Variants in EFHC1 observed in about 807,000 individuals in gnomAD.
EFHC1 encodes the protein EF-hand domain containing 1.
A neutral mutation model predicts 69.9 loss-of-function variants in EFHC1; 53 were observed. That is an observed-to-expected ratio of 0.76 (90% CI 0.61 to 0.95). The LOEUF (loss-of-function observed/expected upper bound fraction) is 0.95, where lower values mean the gene tolerates loss of function less well. Among genes scored for constraint, EFHC1 ranks in the 40% least tolerant of loss-of-function variants. The pLI, the probability that EFHC1 is intolerant of heterozygous loss-of-function variation, is 0.00. For synonymous variants in EFHC1, 256 were observed against 278.4 expected, an observed-to-expected ratio of 0.92 and a Z score of 0.80; for missense variants, 739 against 798.7, an observed-to-expected ratio of 0.93 and a Z score of 0.90.
At chr6:52,476,452 G>C (rs1479667919) in intron 7 of EFHC1, among the ~76,000 whole-genome samples, 1 of 152,180 alleles carries the variant, frequency 6.6e-6, no homozygotes, top group African/African-American at 2.4e-5. Context: ...CCTTTGAGGA[G>C]AAACAGGATT....
At chr6:52,461,281 C>G (rs1765160246) in intron 5 of EFHC1, among the ~76,000 whole-genome samples, 2 of 152,246 alleles carry the variant, frequency 1.3e-5, no homozygotes, top group African/African-American at 2.4e-5. Context: ...TCCATGTGCT[C>G]TCATCATTTA....
At chr6:52,477,300 A>G (rs915216127) in intron 7 of EFHC1, among the ~76,000 whole-genome samples, 2 of 152,214 alleles carry the variant, frequency 1.3e-5, no homozygotes, top group African/African-American at 4.8e-5. Context: ...TGAAGGAATG[A>G]TATGAGAAAA....
At chr6:52,451,461 C>G (rs572475510) in intron 3 of EFHC1, among the ~76,000 whole-genome samples, 1 of 152,048 alleles carries the variant, frequency 6.6e-6, no homozygotes, top group Non-Finnish European at 1.5e-5. Flanking sequence ...GAATATAGGC[C>G]CCCAATCTCT....
Position 52,478,950 on chromosome 6 carries a change from C to G in EFHC1, c.1279-87C>G, listed in dbSNP as rs1034452682. 20 of 1,234,658 alleles carry G rather than the reference C, an allele frequency of 1.6e-5. No individual in the cohort carries two copies. In the African/African-American group the frequency reaches 2.8e-4, roughly 17 times the overall value. 76.5% of individuals were successfully genotyped at this position (1,234,658 alleles called of 1,614,324 possible). A position where few individuals can be genotyped will look rare whatever the true frequency, so the allele number is the denominator to read the frequency against. Reference sequence around the variant, plus strand: ...AAACCCAGACTGCTTCATTTATATCCTATACCTGGCCCCTATAGGCATTTA... The same window carrying G: ...AAACCCAGACTGCTTCATTTATATCGTATACCTGGCCCCTATAGGCATTTA... On this transcript the variant is annotated intron_variant, in intron 7 of 10. Transcript: ENST00000371068.
At chr6:52,451,612 T>C (rs770480868) in intron 3 of EFHC1, among the ~76,000 whole-genome samples, 2 of 152,368 alleles carry the variant, frequency 1.3e-5, no homozygotes, top group South Asian at 4.1e-4. Context: ...ATTATGTGGC[T>C]TGGGGATGAT....
chr6:52,483,040 T>C, intron 9 of EFHC1: 2 of 393,330 alleles, frequency 5.1e-6, no homozygotes, highest in Non-Finnish European at 4.5e-6. Context: ...CTGCGTGAAC[T>C]ATAAAACAAA....
chr6:52,465,226 G>A, intron 6 of EFHC1, 111 bp downstream of exon 6: 1 of 913,954 alleles, frequency 1.1e-6, no homozygotes, highest in South Asian at 1.5e-5. Context: ...CAAAGTATAT[G>A]TAACACAGTA....
At chr6:52,468,869 C>T (rs2038741) in intron 6 of EFHC1, 34,341 of 181,386 alleles carry the variant, frequency 0.19, 3,729 homozygotes, top group Non-Finnish European at 0.25. Flanking sequence ...AGTAGTACGC[C>T]GTAGACAAAT....
At chr6:52,434,371 A>G (rs1764483759) in intron 2 of EFHC1, among the ~76,000 whole-genome samples, 2 of 151,774 alleles carry the variant, frequency 1.3e-5, no homozygotes, top group Admixed American at 1.3e-4. Flanking sequence ...TGCTTCCTCT[A>G]CCCCCGTATT....
intron 5 of EFHC1, among the ~76,000 whole-genome samples, chr6:52,456,771 T>G (rs1765053928): frequency 6.6e-6 from 1 of 152,068 alleles, no homozygotes; most frequent in African/African-American, 2.4e-5. Flanking sequence ...AAAAATTACC[T>G]GGGCATGGTG....
chr6:52,424,265 C>A, intron 2 of EFHC1, 98 bp downstream of exon 2: 1 of 1,172,404 alleles, frequency 8.5e-7, no homozygotes, highest in Non-Finnish European at 1.2e-6. Flanking sequence ...TTCCAAAGGG[C>A]TCTGAGGAGA....
rs59794069 is a variant in EFHC1, at chr6:52,493,365, C to CATATATATATAT, written c.*1033_*1044dup. 871 of 168,530 alleles carry CATATATATATAT rather than the reference C, an allele frequency of 5.2e-3. 57 individuals carry two copies. The highest frequency in any genetic ancestry group is 6.8e-3 in the Non-Finnish European group (596 of 88,140). 10.4% of individuals were successfully genotyped at this position (168,530 alleles called of 1,614,324 possible). A position where few individuals can be genotyped will look rare whatever the true frequency, so the allele number is the denominator to read the frequency against. On this transcript the variant is annotated 3_prime_UTR_variant, in exon 11 of 11. Coordinates refer to ENST00000371068, the MANE Select transcript of EFHC1 (RefSeq NM_018100.4). Reference sequence around the variant, plus strand: ...ATAACTCTCTCTTTCTCTCTCTCTACATATATATATATATATATATTTTAT... The same window carrying CATATATATATAT: ...ATAACTCTCTCTTTCTCTCTCTCTACATATATATATATATATATATATATATATATATTTTAT...
At chr6:52,491,258 A>G (rs911098385) in intron 10 of EFHC1, among the ~76,000 whole-genome samples, 19 of 152,210 alleles carry the variant, frequency 1.2e-4, no homozygotes, top group African/African-American at 3.9e-4. Flanking sequence ...CAAATTCTTC[A>G]TACTGTCTGA....
chr6:52,477,977 G>T (rs999532430), intron 7 of EFHC1, among the ~76,000 whole-genome samples: 1 of 151,998 alleles, frequency 6.6e-6, no homozygotes, highest in Non-Finnish European at 1.5e-5. Flanking sequence ...ACATGCACAC[G>T]TATGTTTATT....
At position 52,487,769 on chromosome 6, in the gene EFHC1, G is replaced by A. The variant is rs780243451; in HGVS notation, c.1641-2371G>A. ...TGGAAGTTATGGAAGGTCATTGGAG[G>A]GCTTGGCACAGAGTTCAACTAGCAT... On this transcript the variant is annotated intron_variant, in intron 9 of 10. Coordinates refer to ENST00000371068, the MANE Select transcript of EFHC1 (RefSeq NM_018100.4). 5.3e-5 allele frequency: 8 copies of A among 152,190 alleles called. No individual in the cohort carries two copies. The South Asian group carries it at 1.7e-3, about 32-fold the overall frequency. The allele number at this position is 152,190 out of a possible 1,614,324, so 9.4% of individuals were successfully genotyped here.
chr6:52,422,581 G>A (rs981543379), intron 1 of EFHC1, among the ~76,000 whole-genome samples: 22 of 152,090 alleles, frequency 1.4e-4, no homozygotes, highest in African/African-American at 5.3e-4. Flanking sequence ...CAATTAGGAT[G>A]TAGAAAGTTT....
intron 7 of EFHC1, among the ~76,000 whole-genome samples, chr6:52,478,421 A>G (rs1341115413): frequency 6.6e-6 from 1 of 152,060 alleles, no homozygotes; most frequent in East Asian, 1.9e-4. Context: ...AACTTAAACT[A>G]TAATAAAAAA....
At position 52,465,056 on chromosome 6, in the gene EFHC1, G is replaced by C; in HGVS notation, c.1078G>C (p.Gly360Arg). Residue 360 changes from glycine (G) to arginine (R), a missense_variant, in exon 6 of 11, where the codon GGA (glycine) becomes CGA (arginine). Transcript: ENST00000371068. ...FTRRYYKEKF[G>R]ITDLPRIDVS... ...TCGACGGTATTACAAAGAGAAGTTT[G>C]GAATCACTGATTTACCACGTATTGA... is the stretch of plus-strand genomic sequence containing the variant. 6.2e-7 allele frequency: 1 copy of C among 1,614,062 alleles called. No individual in the cohort carries two copies. Among genetic ancestry groups the C allele is most frequent in the South Asian group, 1.1e-5 (1 of 91,082 alleles).
intron 9 of EFHC1, chr6:52,485,645 A>G (rs1211224392): frequency 1.3e-5 from 2 of 152,046 alleles, no homozygotes; most frequent in Non-Finnish European, 2.9e-5. Flanking sequence ...TCCCATGAGA[A>G]CTGTTGTTGA....
Sources: allele counts gnomAD v4.1 joint callset (sites outside exome capture counted in the v4.1 genomes callset), GRCh38; gene constraint gnomAD v4.1.1; transcripts MANE v1.5; gene names NCBI Gene and HGNC (gene_info 2026-07-23, HGNC 2026-07-21).